HCRTR2: variants seen among roughly 807,000 people sequenced by gnomAD.
The protein encoded by HCRTR2 is hypocretin receptor 2.
HCRTR2 carries 22 observed loss-of-function variants against 49.0 expected under a neutral mutation model. The observed-to-expected ratio is 0.45, with a 90% CI of 0.32 to 0.64. The LOEUF is 0.64. Among genes scored for constraint, HCRTR2 ranks in the 30% least tolerant of loss-of-function variants. The pLI is 0.04. For synonymous variants in HCRTR2, 236 were observed against 205.3 expected, an observed-to-expected ratio of 1.15 and a Z score of -1.28; for missense variants, 491 against 559.4, an observed-to-expected ratio of 0.88 and a Z score of 1.23.
chr6:55,139,846 G>C (rs1764482642), intron 1 of HCRTR2, among the ~76,000 whole-genome samples: 1 of 152,210 alleles, frequency 6.6e-6, no homozygotes, highest in Non-Finnish European at 1.5e-5. Context: ...AAAGTAGGTA[G>C]ACTCAGAAGA....
At position 55,186,001 on chromosome 6, in the gene HCRTR2, C is replaced by T. The variant is rs116716274; in HGVS notation, c.223+11191C>T. 3.7e-3 allele frequency among the ~76,000 whole-genome samples: 558 copies of T among 152,352 alleles called. 6 individuals carry two copies. The highest frequency in any genetic ancestry group is 0.013 in the African/African-American group (525 of 41,596). On this transcript the variant is annotated intron_variant, in intron 1 of 6. Coordinates refer to ENST00000370862, the MANE Select transcript of HCRTR2 (RefSeq NM_001384272.1). ...CTCTTAGAATGCCAGCTTTGAATCACTGCTCCCTCATGTGCTGTGTGTGAT... is the reference window on the plus strand; with the variant it reads ...CTCTTAGAATGCCAGCTTTGAATCATTGCTCCCTCATGTGCTGTGTGTGAT...
intron 1 of HCRTR2, among the ~76,000 whole-genome samples, chr6:55,179,712 A>G (rs1227565107): frequency 6.6e-6 from 1 of 152,178 alleles, no homozygotes; most frequent in Non-Finnish European, 1.5e-5. Flanking sequence ...CATAAACACA[A>G]TGCTCCAGTT....
chr6:55,247,625 T>G (rs1766471424), intron 1 of HCRTR2, among the ~76,000 whole-genome samples: 1 of 152,110 alleles, frequency 6.6e-6, no homozygotes, highest in African/African-American at 2.4e-5. Flanking sequence ...CGTGTACACC[T>G]ATATAATTCC....
chr6:55,118,325 T>C (rs1468435130), intron 1 of HCRTR2, among the ~76,000 whole-genome samples: 2 of 151,986 alleles, frequency 1.3e-5, no homozygotes, highest in Non-Finnish European at 2.9e-5. Flanking sequence ...GTTCACTCCA[T>C]GTCTTTGCTA....
At chr6:55,261,256 A>C (rs1292061080) in intron 3 of HCRTR2, among the ~76,000 whole-genome samples, 3 of 152,180 alleles carry the variant, frequency 2.0e-5, no homozygotes, top group African/African-American at 7.2e-5. Flanking sequence ...AAATGCAAAC[A>C]ATCTTATCAA....
At chr6:55,248,145 G>A (rs779134563) in intron 1 of HCRTR2, among the ~76,000 whole-genome samples, 2 of 152,092 alleles carry the variant, frequency 1.3e-5, no homozygotes, top group Non-Finnish European at 2.9e-5. Flanking sequence ...TTTGGCAATG[G>A]TAGGAGCTGA....
At chr6:55,125,919 C>A (rs536182715) in intron 1 of HCRTR2, among the ~76,000 whole-genome samples, 17 of 151,976 alleles carry the variant, frequency 1.1e-4, no homozygotes, top group Non-Finnish European at 2.4e-4. Context: ...CGATTGATAC[C>A]TGTGTATGCT....
At chr6:55,156,054 A>G (rs1376248971) in intron 1 of HCRTR2, among the ~76,000 whole-genome samples, 1 of 151,942 alleles carries the variant, frequency 6.6e-6, no homozygotes, top group Non-Finnish European at 1.5e-5. Flanking sequence ...TGTGGATGAA[A>G]TAAGTTAATA....
At chr6:55,245,660 G>C (rs1408609619) in intron 1 of HCRTR2, among the ~76,000 whole-genome samples, 1 of 151,206 alleles carries the variant, frequency 6.6e-6, no homozygotes, top group African/African-American at 2.4e-5. Context: ...AGCTCACTTA[G>C]AGCTATTACT....
intron 3 of HCRTR2, among the ~76,000 whole-genome samples, chr6:55,256,730 A>G (rs1766660449): frequency 6.6e-6 from 1 of 152,012 alleles, no homozygotes; most frequent in African/African-American, 2.4e-5. Flanking sequence ...CCAAAATGGT[A>G]GGAATATTTA....
At chr6:55,273,290 T>C (rs910951285) in intron 4 of HCRTR2, among the ~76,000 whole-genome samples, 3 of 152,000 alleles carry the variant, frequency 2.0e-5, no homozygotes, top group African/African-American at 7.2e-5. Flanking sequence ...CTACCAAATA[T>C]CTGTTATACT....
At chr6:55,214,924 A>C (rs1228528018) in intron 1 of HCRTR2, among the ~76,000 whole-genome samples, 1 of 152,054 alleles carries the variant, frequency 6.6e-6, no homozygotes. Flanking sequence ...ACTAAAAAAG[A>C]GTGAAGAAAC....
chr6:55,227,591 ACTGT>A (rs774490630), intron 1 of HCRTR2, among the ~76,000 whole-genome samples: 24 of 152,180 alleles, frequency 1.6e-4, no homozygotes, highest in Non-Finnish European at 3.1e-4. Context: ...TTGACTATTG[ACTGT>A]CTTAGTATGT....
chr6:55,183,678 T>C (rs2127274379), intron 1 of HCRTR2, among the ~76,000 whole-genome samples: 1 of 152,324 alleles, frequency 6.6e-6, no homozygotes, highest in Middle Eastern at 3.4e-3. Flanking sequence ...TTGCATCCTG[T>C]TTTGGCAATA....
intron 1 of HCRTR2, among the ~76,000 whole-genome samples, chr6:55,156,823 C>G (rs1764737879): frequency 6.6e-6 from 1 of 151,782 alleles, no homozygotes; most frequent in African/African-American, 2.4e-5. Flanking sequence ...CAAAAAATGA[C>G]AAGATCCAAC....
chr6:55,251,816 G>T (rs921087974), intron 2 of HCRTR2, among the ~76,000 whole-genome samples: 4 of 151,972 alleles, frequency 2.6e-5, no homozygotes, highest in Non-Finnish European at 4.4e-5. Context: ...GGTGCCCATA[G>T]TATAGGTCAA....
intron 1 of HCRTR2, among the ~76,000 whole-genome samples, chr6:55,159,682 G>A (rs368416633): frequency 1.3e-5 from 2 of 152,080 alleles, no homozygotes; most frequent in Admixed American, 6.6e-5. Context: ...CAAGAACTTC[G>A]TGCAGCATAC....
At chr6:55,148,951 T>G (rs1764629303) in intron 1 of HCRTR2, among the ~76,000 whole-genome samples, 1 of 152,146 alleles carries the variant, frequency 6.6e-6, no homozygotes, top group South Asian at 2.1e-4. Context: ...TCTTTTTCTT[T>G]CCTGCTTTAT....
intron 1 of HCRTR2, among the ~76,000 whole-genome samples, chr6:55,145,088 T>A (rs1387137430): frequency 6.6e-6 from 1 of 152,150 alleles, no homozygotes; most frequent in African/African-American, 2.4e-5. Context: ...AGTTACAAAG[T>A]ACGTAGATTT....
Sources: gnomAD v4.1 joint callset for allele counts (sites outside exome capture counted in the v4.1 genomes callset) on GRCh38, gnomAD v4.1.1 for gene constraint, MANE v1.5 for transcripts, NCBI Gene and HGNC (gene_info 2026-07-23, HGNC 2026-07-21) for gene names.